The following GPR176 variants were observed in gnomAD, a reference collection of about 807,000 sequenced individuals.
GPR176 encodes the protein G-protein coupled receptor 176.
In GPR176, 26 loss-of-function variants were observed where a neutral mutation model predicts 35.4. The ratio of observed to expected loss-of-function variants is 0.74; its 90% CI spans 0.54 to 1.02. The LOEUF is 1.02. Ranked by LOEUF, GPR176 falls within the 50% of genes least tolerant of loss-of-function variation. GPR176 has a pLI of 0.00. For synonymous variants in GPR176, 278 were observed against 271.3 expected, an observed-to-expected ratio of 1.02 and a Z score of -0.24; for missense variants, 597 against 665.3, an observed-to-expected ratio of 0.90 and a Z score of 1.13.
chr15:39,863,208 A>G (rs1012031638), intron 1 of GPR176, among the ~76,000 whole-genome samples: 10 of 151,864 alleles, frequency 6.6e-5, no homozygotes, highest in African/African-American at 2.4e-4. Context: ...CCTCTGGAGT[A>G]GCTGGGACTA....
chr15:39,918,534 AAG>A (rs1440494193), intron 1 of GPR176, among the ~76,000 whole-genome samples: 1 of 152,214 alleles, frequency 6.6e-6, no homozygotes, highest in Admixed American at 6.5e-5. Context: ...CCCACACTTT[AAG>A]TGTGACAATA....
chr15:39,844,462 T>C (rs139918757), intron 1 of GPR176, among the ~76,000 whole-genome samples: 1 of 152,182 alleles, frequency 6.6e-6, no homozygotes, highest in African/African-American at 2.4e-5. Flanking sequence ...TTAGACAGTG[T>C]TCCATGGTTC....
chr15:39,857,304 C>T (rs1296118477), intron 1 of GPR176, among the ~76,000 whole-genome samples: 1 of 152,128 alleles, frequency 6.6e-6, no homozygotes, highest in African/African-American at 2.4e-5. Flanking sequence ...GCCCCAAATA[C>T]AAACATACAC....
chr15:39,800,720 C>T lies in GPR176; in HGVS notation c.*412G>A, dbSNP rs1216717553. 1 of 165,938 alleles carries T rather than the reference C, an allele frequency of 6.0e-6. No homozygotes were observed. Among genetic ancestry groups the T allele is most frequent in the African/African-American group, 2.4e-5 (1 of 41,646 alleles). The allele number at this position is 165,938 out of a possible 1,614,324, so 10.3% of individuals were successfully genotyped here. A position where few individuals can be genotyped will look rare whatever the true frequency, so the allele number is the denominator to read the frequency against. On this transcript the variant is annotated 3_prime_UTR_variant, in exon 3 of 3. Coordinates refer to ENST00000561100, the MANE Select transcript of GPR176 (RefSeq NM_007223.3). Reference sequence around the variant, plus strand: ...TTTCTCTGGAGCCACCATGCTCCATCATGATCTTGGAATTCCCTTAGAGTG... The same window carrying T: ...TTTCTCTGGAGCCACCATGCTCCATTATGATCTTGGAATTCCCTTAGAGTG...
chr15:39,845,439 A>G (rs1432679668), intron 1 of GPR176, among the ~76,000 whole-genome samples: 1 of 151,702 alleles, frequency 6.6e-6, no homozygotes, highest in East Asian at 1.9e-4. Context: ...TGATAAGAAG[A>G]GATAAAGAAA....
chr15:39,853,076 A>G (rs1566951527), intron 1 of GPR176, among the ~76,000 whole-genome samples: 1 of 152,198 alleles, frequency 6.6e-6, no homozygotes, highest in African/African-American at 2.4e-5. Context: ...TACATATACA[A>G]AAGAACTGAA....
At chr15:39,806,524 G>A (rs1221321184) in intron 2 of GPR176, among the ~76,000 whole-genome samples, 1 of 152,154 alleles carries the variant, frequency 6.6e-6, no homozygotes, top group Non-Finnish European at 1.5e-5. Context: ...ATGAAGCCTT[G>A]GAAATAAATC....
Position 39,801,642 on chromosome 15 carries a change from A to G in GPR176, c.1038T>C (p.Asn346=), listed in dbSNP as rs546859448. ...VQLHHRYSRR[N]VVSTGSGMAE... ...CCATGCCACTCCCTGTACTGACCAC[A>G]TTACGGCGACTGTACCGGTGGTGTA... is the stretch of plus-strand genomic sequence containing the variant. Residue 346 remains asparagine, a synonymous_variant, in exon 3 of 3, where the codon AAT becomes AAC. Coordinates refer to ENST00000561100, the MANE Select transcript of GPR176 (RefSeq NM_007223.3). 5.0e-6 allele frequency: 8 copies of G among 1,614,108 alleles called. No homozygotes were observed. The highest frequency in any genetic ancestry group is 1.3e-5 in the African/African-American group (1 of 75,054).
chr15:39,854,656 ATAG>A (rs2031089785), intron 1 of GPR176, among the ~76,000 whole-genome samples: 1 of 152,216 alleles, frequency 6.6e-6, no homozygotes, highest in African/African-American at 2.4e-5. Context: ...GGTAGGGAGC[ATAG>A]AAATCAGTCA....
intron 1 of GPR176, among the ~76,000 whole-genome samples, chr15:39,835,735 T>G (rs1330931897): frequency 2.6e-5 from 4 of 152,174 alleles, no homozygotes; most frequent in African/African-American, 9.6e-5. Flanking sequence ...TTTGCATCAG[T>G]CATGTGACCA....
chr15:39,851,540 A>T (rs1035299599), intron 1 of GPR176, among the ~76,000 whole-genome samples: 2 of 152,190 alleles, frequency 1.3e-5, no homozygotes, highest in African/African-American at 4.8e-5. Context: ...GAATGACCTT[A>T]GAAAACTTAT....
At chr15:39,900,405 T>C (rs1369562016) in intron 1 of GPR176, among the ~76,000 whole-genome samples, 2 of 152,198 alleles carry the variant, frequency 1.3e-5, no homozygotes, top group Non-Finnish European at 2.9e-5. Flanking sequence ...AGATTACAAG[T>C]TGGCCATGGA....
chr15:39,913,775 G>A (rs757481920), intron 1 of GPR176, among the ~76,000 whole-genome samples: 35 of 152,180 alleles, frequency 2.3e-4, no homozygotes, highest in African/African-American at 7.7e-4. Flanking sequence ...GGCCGGGCGC[G>A]GTGGCTCACG....
intron 1 of GPR176, among the ~76,000 whole-genome samples, chr15:39,816,843 C>G (rs965137966): frequency 2.6e-5 from 4 of 151,966 alleles, no homozygotes; most frequent in African/African-American, 9.7e-5. Context: ...TTGCTTGAGG[C>G]CAGGAGTTCA....
At chr15:39,825,151 G>A (rs983283725) in intron 1 of GPR176, among the ~76,000 whole-genome samples, 1 of 152,200 alleles carries the variant, frequency 6.6e-6, no homozygotes, top group African/African-American at 2.4e-5. Flanking sequence ...GGGCCTCAGT[G>A]AGCCACGATC....
intron 1 of GPR176, among the ~76,000 whole-genome samples, chr15:39,896,897 G>T (rs1041889621): frequency 2.0e-5 from 3 of 152,364 alleles, no homozygotes; most frequent in African/African-American, 7.2e-5. Context: ...GAATAGATTT[G>T]TGTGACCAAG....
At chr15:39,910,763 C>T (rs1357076258) in intron 1 of GPR176, among the ~76,000 whole-genome samples, 2 of 152,068 alleles carry the variant, frequency 1.3e-5, no homozygotes, top group Admixed American at 6.6e-5. Flanking sequence ...AACAGCCAGG[C>T]TCAGTGGCTC....
intron 1 of GPR176, among the ~76,000 whole-genome samples, chr15:39,863,363 T>C (rs974221728): frequency 6.6e-6 from 1 of 151,572 alleles, no homozygotes; most frequent in Non-Finnish European, 1.5e-5. Context: ...TAAAAATTTT[T>C]AAAATAATTT....
chr15:39,878,020 T>C (rs2032317483), intron 1 of GPR176, among the ~76,000 whole-genome samples: 2 of 151,786 alleles, frequency 1.3e-5, no homozygotes, highest in Non-Finnish European at 2.9e-5. Context: ...AAGGTATACA[T>C]GATGTTTTGA....
Sources: gnomAD v4.1 joint callset for allele counts (sites outside exome capture counted in the v4.1 genomes callset) on GRCh38, gnomAD v4.1.1 for gene constraint, MANE v1.5 for transcripts, NCBI Gene and HGNC (gene_info 2026-07-23, HGNC 2026-07-21) for gene names.